ETV6: variants seen among roughly 807,000 people sequenced by gnomAD.
The protein encoded by ETV6 is ETS variant transcription factor 6.
In ETV6, 16 loss-of-function variants were observed where a neutral mutation model predicts 51.1. The observed-to-expected ratio is 0.31, with a 90% confidence interval of 0.21 to 0.48. The LOEUF is 0.48. Ranked by LOEUF, ETV6 falls within the 20% of genes least tolerant of loss-of-function variation. The pLI is 0.99. For synonymous variants in ETV6, 240 were observed against 224.1 expected (o/e 1.07, Z -0.64); for missense variants, 458 against 594.8 (o/e 0.77, Z 2.39).
intron 2 of ETV6, among the ~76,000 whole-genome samples, chr12:11,803,784 A>C (rs901405312): frequency 2.0e-5 from 3 of 152,246 alleles, no homozygotes; most frequent in African/African-American, 7.2e-5. Context: ...TTATAAATAC[A>C]GAAAGTCTGT....
At chr12:11,794,720 T>G (rs1945652238) in intron 2 of ETV6, among the ~76,000 whole-genome samples, 1 of 152,234 alleles carries the variant, frequency 6.6e-6, no homozygotes, top group South Asian at 2.1e-4. Context: ...TGGGGATTAG[T>G]AGAAGTCTGC....
chr12:11,790,782 A>G (rs892056003), intron 2 of ETV6, among the ~76,000 whole-genome samples: 1 of 148,908 alleles, frequency 6.7e-6, no homozygotes, highest in African/African-American at 2.5e-5. Flanking sequence ...GATTCAAGCG[A>G]TTCTCCTGCC....
intron 1 of ETV6, among the ~76,000 whole-genome samples, chr12:11,650,480 T>TG (rs1863874741): frequency 1.8e-4 from 1 of 5,690 alleles, no homozygotes; most frequent in Non-Finnish European, 6.3e-4. Flanking sequence ...ATTAGTGCGC[T>TG]TAAAAAAAAA....
intron 2 of ETV6, among the ~76,000 whole-genome samples, chr12:11,832,636 T>C (rs1028257193): frequency 7.2e-5 from 11 of 152,390 alleles, no homozygotes; most frequent in African/African-American, 2.6e-4. Context: ...ATTATCACTT[T>C]GGAGCCAGCC....
intron 1 of ETV6, among the ~76,000 whole-genome samples, chr12:11,684,060 A>T (rs527760749): frequency 6.6e-6 from 1 of 152,360 alleles, no homozygotes; most frequent in South Asian, 2.1e-4. Context: ...GTCATTTGTC[A>T]CTGACTTCGA....
In ETV6 at chr12:11,867,942, G is replaced by A. The variant is rs146893796; in HGVS notation, c.464-1482G>A. Among the ~76,000 whole-genome samples the A allele has an allele frequency of 5.3e-5, 8 of 152,202 alleles. No individual in the cohort carries two copies. The East Asian group carries it at 9.7e-4, about 18-fold the overall frequency. ...GGACTTCTGGAGCCAGGTGTGTGCC[G>A]GTCCATTCCCCGACCCAGCCCTCAG... On this transcript the variant is annotated intron_variant, in intron 4 of 7. Coordinates refer to ENST00000396373, the MANE Select transcript of ETV6 (RefSeq NM_001987.5).
intron 1 of ETV6, among the ~76,000 whole-genome samples, chr12:11,735,117 A>G (rs888851572): frequency 7.6e-5 from 7 of 92,150 alleles, no homozygotes; most frequent in Non-Finnish European, 1.0e-4. Flanking sequence ...TTTTTTACTA[A>G]TACTAGGTCC....
At chr12:11,809,099 A>G (rs1945872864) in intron 2 of ETV6, among the ~76,000 whole-genome samples, 1 of 151,906 alleles carries the variant, frequency 6.6e-6, no homozygotes, top group Admixed American at 6.6e-5. Context: ...TCAGGAGGTT[A>G]AGGCTGTGGT....
chr12:11,812,561 G>A (rs1286170078), intron 2 of ETV6, among the ~76,000 whole-genome samples: 2 of 152,166 alleles, frequency 1.3e-5, no homozygotes, highest in African/African-American at 2.4e-5. Flanking sequence ...GTCCTTGGGT[G>A]GATTTTCTTG....
At chr12:11,756,423 T>A (rs1405483136) in intron 2 of ETV6, among the ~76,000 whole-genome samples, 1 of 152,206 alleles carries the variant, frequency 6.6e-6, no homozygotes, top group Non-Finnish European at 1.5e-5. Flanking sequence ...GGTACTGAAT[T>A]TTTTTTGAAG....
At chr12:11,787,574 G>C (rs73292424) in intron 2 of ETV6, among the ~76,000 whole-genome samples, 5,998 of 152,202 alleles carry the variant, frequency 0.039, 388 homozygotes, top group African/African-American at 0.14. Context: ...AGAGATTTCT[G>C]GGTGTGAAAA....
At chr12:11,754,485 A>G (rs1591651180) in intron 2 of ETV6, among the ~76,000 whole-genome samples, 1 of 152,222 alleles carries the variant, frequency 6.6e-6, no homozygotes, top group Non-Finnish European at 1.5e-5. Flanking sequence ...TCCTGACAAA[A>G]CAAATAAGAA....
intron 5 of ETV6, among the ~76,000 whole-genome samples, chr12:11,872,804 T>G (rs1946902872): frequency 6.6e-6 from 1 of 152,152 alleles, no homozygotes. Context: ...CCTATACTAC[T>G]ATTTTTTTCA....
At chr12:11,664,902 C>T (rs903014824) in intron 1 of ETV6, among the ~76,000 whole-genome samples, 1 of 152,232 alleles carries the variant, frequency 6.6e-6, no homozygotes, top group Non-Finnish European at 1.5e-5. Flanking sequence ...TCTTGTTACT[C>T]TCTGTCTCAC....
intron 2 of ETV6, among the ~76,000 whole-genome samples, chr12:11,766,482 T>C (rs1215047026): frequency 6.6e-6 from 1 of 152,180 alleles, no homozygotes; most frequent in Non-Finnish European, 1.5e-5. Context: ...CCGGATTATA[T>C]CCGTCCCCCC....
At chr12:11,650,344 T>TCCCCCC (rs145552837) in intron 1 of ETV6, among the ~76,000 whole-genome samples, 184 bp downstream of exon 1, 6 of 127,484 alleles carry the variant, frequency 4.7e-5, no homozygotes, top group Non-Finnish European at 8.2e-5. Context: ...ACCTTGCTAC[T>TCCCCCC]CCCCCCCACC....
intron 1 of ETV6, among the ~76,000 whole-genome samples, chr12:11,700,918 C>G (rs899313497): frequency 5.9e-5 from 9 of 152,154 alleles, no homozygotes; most frequent in African/African-American, 1.7e-4. Context: ...TGTATTTCAT[C>G]TGTTTGTTTC....
intron 1 of ETV6, among the ~76,000 whole-genome samples, 194 bp downstream of exon 1, chr12:11,650,354 CGCCGA>C (rs1863870718): frequency 6.7e-6 from 1 of 148,294 alleles, no homozygotes; most frequent in African/African-American, 2.5e-5. Context: ...TCCCCCCCAC[CGCCGA>C]GCCCCTGCCG....
At chr12:11,850,165 A>G (rs1946528828) in intron 3 of ETV6, among the ~76,000 whole-genome samples, 1 of 152,138 alleles carries the variant, frequency 6.6e-6, no homozygotes, top group Non-Finnish European at 1.5e-5. Context: ...TGGTCTAGGT[A>G]GGAAACTGGC....
Sources: allele counts gnomAD v4.1 joint callset (sites outside exome capture counted in the v4.1 genomes callset), GRCh38; gene constraint gnomAD v4.1.1; transcripts MANE v1.5; gene names NCBI Gene and HGNC (gene_info 2026-07-23, HGNC 2026-07-21).